The following PPARGC1A variants were observed in gnomAD, a reference collection of about 807,000 sequenced individuals.
The protein encoded by PPARGC1A is PPARG coactivator 1 alpha.
PPARGC1A carries 25 observed loss-of-function variants against 88.7 expected under a neutral mutation model. That is an observed-to-expected ratio of 0.28 (90% confidence interval 0.21 to 0.39). The LOEUF is 0.39. Ranked by LOEUF, PPARGC1A falls within the 10% of genes least tolerant of loss-of-function variation. The probability of loss-of-function intolerance (pLI) is 1.00; values close to 1 mark genes in which losing one functional copy is unlikely to be tolerated. For missense variants in PPARGC1A, 880 were observed against 968.7 expected (o/e 0.91, Z 1.22); for synonymous variants, 363 against 355.6 (o/e 1.02, Z -0.24).
intron 12 of PPARGC1A, among the ~76,000 whole-genome samples, chr4:23,798,379 C>T (rs533145652): frequency 1.1e-4 from 16 of 152,142 alleles, no homozygotes; most frequent in Non-Finnish European, 1.8e-4. Context: ...ACAAAGGAGG[C>T]ACTCAAATTA....
the PPARGC1A span, among the ~76,000 whole-genome samples, chr4:23,915,167 CT>C: frequency 1.3e-5 from 2 of 151,254 alleles, no homozygotes; most frequent in African/African-American, 4.9e-5. Flanking sequence ...AATTTATTTT[CT>C]TTTTTTTTAA....
At chr4:24,072,202 A>G in the PPARGC1A span, among the ~76,000 whole-genome samples, 2 of 148,776 alleles carry the variant, frequency 1.3e-5, no homozygotes, top group Admixed American at 1.3e-4. Context: ...TAAATTAAAT[A>G]ACCATTTTAT....
the PPARGC1A span, among the ~76,000 whole-genome samples, chr4:24,373,121 T>C: frequency 6.6e-6 from 1 of 152,112 alleles, no homozygotes; most frequent in Non-Finnish European, 1.5e-5. Flanking sequence ...CTCACAAAAC[T>C]GCAGGCCATG....
the PPARGC1A span, among the ~76,000 whole-genome samples, chr4:24,083,496 T>C: frequency 6.6e-6 from 1 of 152,144 alleles, no homozygotes; most frequent in African/African-American, 2.4e-5. Context: ...CAAGCCTCCT[T>C]CTACTTAGAA....
At chr4:24,445,450 G>C in the PPARGC1A span, among the ~76,000 whole-genome samples, 1 of 152,216 alleles carries the variant, frequency 6.6e-6, no homozygotes, top group Non-Finnish European at 1.5e-5. Context: ...TACTGGATTC[G>C]TATATTTTAC....
the PPARGC1A span, among the ~76,000 whole-genome samples, chr4:24,260,568 C>T: frequency 1.3e-5 from 2 of 152,126 alleles, no homozygotes; most frequent in African/African-American, 4.8e-5. Flanking sequence ...GATCCAAGAG[C>T]TGATATGAGG....
chr4:24,251,400 G>A, the PPARGC1A span, among the ~76,000 whole-genome samples: 1 of 152,160 alleles, frequency 6.6e-6, no homozygotes, highest in Admixed American at 6.5e-5. Context: ...TGGAAACACT[G>A]AACTATGCAC....
At chr4:24,354,804 A>G in the PPARGC1A span, among the ~76,000 whole-genome samples, 5 of 152,046 alleles carry the variant, frequency 3.3e-5, no homozygotes, top group African/African-American at 4.8e-5. Context: ...GGAGAATGGC[A>G]TGAACCCGGG....
At chr4:24,194,190 C>T in the PPARGC1A span, among the ~76,000 whole-genome samples, 64 of 151,210 alleles carry the variant, frequency 4.2e-4, no homozygotes, top group East Asian at 5.9e-4. Context: ...CGACAGACTA[C>T]GGGAGGAAGC....
the PPARGC1A span, among the ~76,000 whole-genome samples, chr4:24,098,607 C>T: frequency 2.0e-5 from 3 of 152,268 alleles, no homozygotes; most frequent in African/African-American, 7.2e-5. Flanking sequence ...GTACTTATAT[C>T]GCTTAAGTGA....
intron 12 of PPARGC1A, among the ~76,000 whole-genome samples, chr4:23,800,689 T>C (rs1231284664): frequency 6.6e-6 from 1 of 151,482 alleles, no homozygotes; most frequent in African/African-American, 2.4e-5. Flanking sequence ...TCGTTGGTAA[T>C]AGTGGTTATT....
the PPARGC1A span, among the ~76,000 whole-genome samples, chr4:24,162,749 G>A: frequency 6.6e-6 from 1 of 151,872 alleles, no homozygotes; most frequent in South Asian, 2.1e-4. Flanking sequence ...CCACAACCAT[G>A]CCCATCTAAT....
the PPARGC1A span, among the ~76,000 whole-genome samples, chr4:24,200,849 G>T: frequency 6.6e-6 from 1 of 152,056 alleles, no homozygotes; most frequent in Non-Finnish European, 1.5e-5. Context: ...ATTTTATATG[G>T]TTTTTCAATC....
At chr4:24,222,345 C>A in the PPARGC1A span, among the ~76,000 whole-genome samples, 3 of 152,176 alleles carry the variant, frequency 2.0e-5, no homozygotes, top group Non-Finnish European at 2.9e-5. Flanking sequence ...CTTGATATCC[C>A]AACTTTTTAA....
the PPARGC1A span, among the ~76,000 whole-genome samples, chr4:24,379,786 T>C: frequency 4.1e-4 from 62 of 151,526 alleles, no homozygotes; most frequent in East Asian, 0.011. Flanking sequence ...AAATTCTTTT[T>C]TTTTTTTTTT....
At chr4:24,387,772 GAAAGAA>G in the PPARGC1A span, among the ~76,000 whole-genome samples, 460 of 58,032 alleles carry the variant, frequency 7.9e-3, 12 homozygotes, top group South Asian at 0.024. Context: ...GAGAGAGAAA[GAAAGAA>G]AGAAAGAAAG....
the PPARGC1A span, among the ~76,000 whole-genome samples, chr4:24,009,593 G>A: frequency 5.4e-3 from 824 of 152,286 alleles, 37 homozygotes; most frequent in East Asian, 0.088. Flanking sequence ...ACAATTATCT[G>A]TAAACTTCCA....
the PPARGC1A span, among the ~76,000 whole-genome samples, chr4:24,037,739 C>A: frequency 6.6e-6 from 1 of 152,114 alleles, no homozygotes. Flanking sequence ...TCTTGCCAAA[C>A]CTCTTTGTAT....
the PPARGC1A span, among the ~76,000 whole-genome samples, chr4:24,109,793 T>C: frequency 2.0e-3 from 304 of 152,214 alleles, no homozygotes; most frequent in African/African-American, 7.0e-3. Flanking sequence ...AGTTCAAGGA[T>C]GAGGGGCAGG....
Sources: gnomAD v4.1 joint callset for allele counts (sites outside exome capture counted in the v4.1 genomes callset) on GRCh38, gnomAD v4.1.1 for gene constraint, MANE v1.5 for transcripts, NCBI Gene and HGNC (gene_info 2026-07-23, HGNC 2026-07-21) for gene names.